The following SCGB2B2 variants were observed in gnomAD, a reference collection of about 807,000 sequenced individuals.
SCGB2B2 encodes secretoglobin family 2B member 2, also known as secretoglobin-like protein.
SCGB2B2 carries 11 observed loss-of-function variants against 7.6 expected under a neutral mutation model. That is an observed-to-expected ratio of 1.45 (90% CI 0.91 to 2.40). SCGB2B2 has a LOEUF of 2.40. SCGB2B2 is among the 30% of genes most tolerant of loss of function. The pLI, the probability that SCGB2B2 is intolerant of heterozygous loss-of-function variation, is 0.00. For synonymous variants in SCGB2B2, 50 were observed against 48.6 expected (o/e 1.03, Z -0.12); for missense variants, 104 against 115.4 (o/e 0.90, Z 0.45).
Position 34,593,589 on chromosome 19 carries a change from A to G in SCGB2B2, c.257T>C (p.Leu86Pro). The G allele has an allele frequency of 6.4e-7, 1 of 1,553,320 alleles. No homozygotes were observed. The highest frequency in any genetic ancestry group is 8.7e-7 in the Non-Finnish European group (1 of 1,147,872). ...TGCTTCTATGCAATCGTTGCTCTGA[A>G]GGATCTTCTTCTGTTGGAAAAAGAA... is the stretch of plus-strand genomic sequence containing the variant. ...FAHSVVIKKI[L>P]QSNDCIEAAF The change falls in exon 4 of 4, where the codon CTT becomes CCT. Residue 86 changes from leucine to proline, a missense_variant. Leu to Pro is a moderately conservative substitution (Grantham distance 98). Transcript: ENST00000601241.
intron 1 of SCGB2B2, among the ~76,000 whole-genome samples, chr19:34,600,917 T>TGG (rs2065604552): frequency 1.2e-5 from 1 of 80,216 alleles, no homozygotes. Flanking sequence ...GCTCGGGGTG[T>TGG]GGTGTGTGTG....
intron 1 of SCGB2B2, among the ~76,000 whole-genome samples, chr19:34,630,560 T>A (rs1373227348): frequency 6.6e-6 from 1 of 151,594 alleles, no homozygotes; most frequent in Non-Finnish European, 1.5e-5. Context: ...AAAACAACAA[T>A]GAGATACCAT....
chr19:34,671,289 T>C (rs1213260952), intron 1 of SCGB2B2, among the ~76,000 whole-genome samples: 1 of 152,276 alleles, frequency 6.6e-6, no homozygotes, highest in Non-Finnish European at 1.5e-5. Context: ...GAATTGCCTT[T>C]GCACCTTTCT....
intron 1 of SCGB2B2, among the ~76,000 whole-genome samples, chr19:34,631,519 G>A (rs921979630): frequency 2.0e-5 from 3 of 151,954 alleles, no homozygotes; most frequent in Non-Finnish European, 4.4e-5. Context: ...AAATTTAAGA[G>A]TACTTTTTAC....
In SCGB2B2 at chr19:34,591,466, AGTTGG is replaced by A. The variant is rs1161131322; in HGVS notation, c.*2084_*2088del. 2.0e-5 allele frequency among the ~76,000 whole-genome samples: 3 copies of A among 152,146 alleles called. No homozygotes were observed. Among genetic ancestry groups the A allele is most frequent in the African/African-American group, 4.8e-5 (2 of 41,430 alleles). On this transcript the variant is annotated 3_prime_UTR_variant, in exon 4 of 4. Transcript: ENST00000601241. Reference sequence around the variant, plus strand: ...TACCTGGACGGCCACAGGGACTCCCAGTTGGTCTTCCTGCCTCTACTGCCGCCCCC... The same window carrying A: ...TACCTGGACGGCCACAGGGACTCCCATCTTCCTGCCTCTACTGCCGCCCCC...
At chr19:34,635,206 G>T in intron 1 of SCGB2B2, 1 of 280,780 alleles carries the variant, frequency 3.6e-6, no homozygotes, top group South Asian at 4.6e-5. Context: ...GGGAACTCTC[G>T]GGTGTATAAT....
At chr19:34,658,266 T>G (rs1013436780) in intron 1 of SCGB2B2, among the ~76,000 whole-genome samples, 1 of 151,768 alleles carries the variant, frequency 6.6e-6, no homozygotes, top group Non-Finnish European at 1.5e-5. Flanking sequence ...CTGAAGGAGA[T>G]AGAGATACAA....
intron 1 of SCGB2B2, among the ~76,000 whole-genome samples, chr19:34,660,055 T>C (rs1187252215): frequency 2.0e-5 from 3 of 151,834 alleles, no homozygotes; most frequent in Non-Finnish European, 4.4e-5. Flanking sequence ...ATTTAATAAA[T>C]GGTGCTGGGA....
chr19:34,593,053 T>A lies in SCGB2B2; in HGVS notation c.*502A>T, dbSNP rs1027973133. 3.9e-5 allele frequency among the ~76,000 whole-genome samples: 6 copies of A among 152,272 alleles called. No homozygotes were observed. The highest frequency in any genetic ancestry group is 1.3e-4 in the Admixed American group (2 of 15,300). On this transcript the variant is annotated 3_prime_UTR_variant, in exon 4 of 4. Transcript: ENST00000601241. Reference sequence around the variant, plus strand: ...AAACAGGCATATCGACTGGACACAGTGGCTCATGCCTCTAACCCTAGCACG... The same window carrying A: ...AAACAGGCATATCGACTGGACACAGAGGCTCATGCCTCTAACCCTAGCACG...
chr19:34,656,316 C>G (rs2067282258), intron 1 of SCGB2B2, among the ~76,000 whole-genome samples: 1 of 151,390 alleles, frequency 6.6e-6, no homozygotes, highest in Admixed American at 6.5e-5. Context: ...TTAAAAAATT[C>G]CTTTACAGAG....
intron 1 of SCGB2B2, among the ~76,000 whole-genome samples, chr19:34,618,039 C>T (rs981108942): frequency 1.4e-4 from 21 of 152,198 alleles, no homozygotes; most frequent in Non-Finnish European, 4.4e-5. Context: ...GTCTGGCACT[C>T]CCTAGTGAGA....
At chr19:34,607,316 T>TTG (rs1439604955) in intron 1 of SCGB2B2, among the ~76,000 whole-genome samples, 5 of 152,138 alleles carry the variant, frequency 3.3e-5, no homozygotes, top group Admixed American at 1.3e-4. Context: ...TAGATAGCTT[T>TTG]TGTGTGTGTG....
chr19:34,642,752 C>T (rs1228251297), intron 1 of SCGB2B2, among the ~76,000 whole-genome samples: 1 of 124,562 alleles, frequency 8.0e-6, no homozygotes, highest in Non-Finnish European at 1.7e-5. Flanking sequence ...GGGCAAAGGA[C>T]ATGAACCAAC....
chr19:34,604,816 TA>T (rs1361532682), intron 1 of SCGB2B2, among the ~76,000 whole-genome samples: 1 of 152,232 alleles, frequency 6.6e-6, no homozygotes, highest in African/African-American at 2.4e-5. Context: ...AAGTTGTTCC[TA>T]ATTGTATTTT....
At chr19:34,616,334 A>T (rs1345612058) in intron 1 of SCGB2B2, among the ~76,000 whole-genome samples, 1 of 143,440 alleles carries the variant, frequency 7.0e-6, no homozygotes, top group African/African-American at 2.5e-5. Context: ...ATTTCTCCAC[A>T]TCCTCTCCAG....
intron 1 of SCGB2B2, among the ~76,000 whole-genome samples, chr19:34,660,961 C>A (rs2067436588): frequency 6.6e-6 from 1 of 152,166 alleles, no homozygotes; most frequent in Non-Finnish European, 1.5e-5. Context: ...TGGATGAGTG[C>A]ATGTCCTTTG....
chr19:34,644,741 T>C (rs186282402), intron 1 of SCGB2B2, among the ~76,000 whole-genome samples: 264 of 152,356 alleles, frequency 1.7e-3, no homozygotes, highest in African/African-American at 6.0e-3. Context: ...CCAAATTATA[T>C]TAATATATCA....
At chr19:34,600,037 G>GT (rs2065579456) in intron 1 of SCGB2B2, among the ~76,000 whole-genome samples, 1 of 149,224 alleles carries the variant, frequency 6.7e-6, no homozygotes, top group East Asian at 2.1e-4. Flanking sequence ...CTGATTTTAT[G>GT]GTTTTTTTTT....
intron 1 of SCGB2B2, among the ~76,000 whole-genome samples, chr19:34,616,201 C>T (rs909760911): frequency 6.0e-5 from 9 of 150,954 alleles, no homozygotes; most frequent in African/African-American, 1.9e-4. Flanking sequence ...TGGGTATATA[C>T]CCAGTAAAGG....
Sources: allele counts gnomAD v4.1 joint callset (sites outside exome capture counted in the v4.1 genomes callset), GRCh38; gene constraint gnomAD v4.1.1; transcripts MANE v1.5; gene names NCBI Gene and HGNC (gene_info 2026-07-23, HGNC 2026-07-21).